The following SH3D19 variants were observed in gnomAD, a reference collection of about 807,000 sequenced individuals.
SH3D19 encodes SH3 domain containing 19.
In SH3D19, 58 loss-of-function variants were observed where a neutral mutation model predicts 112.1. That is an observed-to-expected ratio of 0.52 (90% CI 0.42 to 0.64). The LOEUF (loss-of-function observed/expected upper bound fraction) is 0.64, where lower values mean the gene tolerates loss of function less well. Among genes scored for constraint, SH3D19 ranks in the 30% least tolerant of loss-of-function variants. The pLI is 0.00. For synonymous variants in SH3D19, 391 were observed against 448.5 expected, an observed-to-expected ratio of 0.87 and a Z score of 1.62; for missense variants, 1,090 against 1,263.4, an observed-to-expected ratio of 0.86 and a Z score of 2.08.
intron 1 of SH3D19, among the ~76,000 whole-genome samples, chr4:151,233,595 G>A (rs1026541190): frequency 6.6e-6 from 1 of 152,076 alleles, no homozygotes; most frequent in African/African-American, 2.4e-5. Flanking sequence ...GATGACACTG[G>A]GTACACCAGG....
At chr4:151,187,719 G>A (rs1275875353) in intron 2 of SH3D19, among the ~76,000 whole-genome samples, 1 of 152,142 alleles carries the variant, frequency 6.6e-6, no homozygotes, top group Non-Finnish European at 1.5e-5. Flanking sequence ...CTTACATACT[G>A]TATCTTCCAG....
intron 2 of SH3D19, among the ~76,000 whole-genome samples, 173 bp downstream of exon 2, chr4:151,225,874 T>C (rs1054299438): frequency 5.9e-5 from 9 of 152,216 alleles, no homozygotes; most frequent in African/African-American, 1.9e-4. Flanking sequence ...TCAATAGTTT[T>C]ATGTGAAATT....
chr4:151,143,403 C>A (rs1175319186), intron 12 of SH3D19, among the ~76,000 whole-genome samples: 1 of 152,010 alleles, frequency 6.6e-6, no homozygotes, highest in Admixed American at 6.6e-5. Context: ...GGAGAACTTG[C>A]CCCGTGGGAG....
Position 151,253,497 on chromosome 4 carries a change from T to TC in SH3D19, c.113-27412dup, listed in dbSNP as rs530172928. On this transcript the variant is annotated intron_variant, in intron 1 of 19. Coordinates refer to ENST00000604030, the MANE Select transcript of SH3D19 (RefSeq NM_001378122.1). ...GGCTCACGCCTGTAATCCCAGCACT[T>TC]CGGGAGGCCTAGGCGGGCGGATCAC... 2.0e-5 allele frequency among the ~76,000 whole-genome samples: 3 copies of TC among 152,316 alleles called. No individual in the cohort carries two copies. In the South Asian group the frequency reaches 6.2e-4, roughly 32 times the overall value.
chr4:151,157,438 A>C (rs977284791), intron 9 of SH3D19, among the ~76,000 whole-genome samples: 1 of 151,526 alleles, frequency 6.6e-6, no homozygotes, highest in Non-Finnish European at 1.5e-5. Flanking sequence ...AAAAAAAAAA[A>C]ACAAATGCTG....
At chr4:151,168,156 C>T (rs1758425848) in intron 7 of SH3D19, among the ~76,000 whole-genome samples, 2 of 151,730 alleles carry the variant, frequency 1.3e-5, no homozygotes, top group Admixed American at 1.3e-4. Context: ...AACAGATAAG[C>T]AATTCACGAG....
intron 11 of SH3D19, among the ~76,000 whole-genome samples, chr4:151,147,231 ACTCG>A (rs1754078253): frequency 1.3e-5 from 2 of 152,190 alleles, no homozygotes; most frequent in African/African-American, 4.8e-5. Context: ...GCATCACTGC[ACTCG>A]AGTCTGGGTG....
chr4:151,152,897 A>G (rs112161281), intron 9 of SH3D19, among the ~76,000 whole-genome samples: 9,368 of 151,102 alleles, frequency 0.062, 465 homozygotes, highest in East Asian at 0.19. Context: ...GTGTAGTGGC[A>G]CGATCTTGGC....
intron 2 of SH3D19, among the ~76,000 whole-genome samples, chr4:151,209,854 C>T (rs937902311): frequency 6.6e-6 from 1 of 152,028 alleles, no homozygotes; most frequent in African/African-American, 2.4e-5. Flanking sequence ...GTACAAGACC[C>T]CTTTTGGAAA....
At chr4:151,207,669 C>A (rs927004203) in intron 2 of SH3D19, among the ~76,000 whole-genome samples, 1 of 152,164 alleles carries the variant, frequency 6.6e-6, no homozygotes, top group Non-Finnish European at 1.5e-5. Context: ...GCATATGTAA[C>A]AATAGTGTGC....
intron 8 of SH3D19, among the ~76,000 whole-genome samples, chr4:151,161,575 A>G (rs1428024504): frequency 6.6e-6 from 1 of 151,260 alleles, no homozygotes; most frequent in African/African-American, 2.4e-5. Flanking sequence ...ATTACCTGCC[A>G]TTTAAAGCAG....
At chr4:151,221,423 G>A (rs1219518753) in intron 2 of SH3D19, among the ~76,000 whole-genome samples, 1 of 152,216 alleles carries the variant, frequency 6.6e-6, no homozygotes, top group Non-Finnish European at 1.5e-5. Context: ...CTCAGCTGAG[G>A]ATGGCAGGAG....
chr4:151,234,892 T>C (rs1021359302), intron 1 of SH3D19, among the ~76,000 whole-genome samples: 2 of 151,772 alleles, frequency 1.3e-5, no homozygotes, highest in African/African-American at 4.8e-5. Flanking sequence ...TACAGGTATG[T>C]GCCATCACAC....
chr4:151,133,063 T>G lies in SH3D19; in HGVS notation c.2660A>C (p.Asp887Ala), dbSNP rs1751065678. 3 of 1,613,906 alleles carry G rather than the reference T, an allele frequency of 1.9e-6. No homozygotes were observed. The African/African-American group carries it at 4.0e-5, about 22-fold the overall frequency. ...FPLNFVEPVE[D>A]YPTSGANVLS... is the part of the protein sequence containing the mutation. ...AACATTTGCACCAGAGGTGGGATAA[T>G]CCTCAACAGGCTCCACAAAGTTCAG... Residue 887 changes from aspartate to alanine, a missense_variant, in exon 16 of 20, where the codon GAT becomes GCT. Asp to Ala is a moderately radical substitution (Grantham distance 126). Coordinates refer to ENST00000604030, the MANE Select transcript of SH3D19 (RefSeq NM_001378122.1).
intron 2 of SH3D19, among the ~76,000 whole-genome samples, chr4:151,213,333 C>T (rs1425148668): frequency 6.6e-6 from 1 of 152,170 alleles, no homozygotes; most frequent in Non-Finnish European, 1.5e-5. Context: ...ATGTGGCAAA[C>T]TTCATGGCTG....
At chr4:151,198,282 G>C (rs1234013646) in intron 2 of SH3D19, among the ~76,000 whole-genome samples, 1 of 145,158 alleles carries the variant, frequency 6.9e-6, no homozygotes, top group South Asian at 2.2e-4. Context: ...TCCAGCATGG[G>C]TGACACAGCG....
At chr4:151,291,237 C>T in intron 1 of SH3D19, 1 of 1,613,870 alleles carries the variant, frequency 6.2e-7, no homozygotes, top group Non-Finnish European at 8.5e-7. Flanking sequence ...ATGTAATCTA[C>T]TACCAAAAAT....
At chr4:151,253,539 G>A (rs1287650812) in intron 1 of SH3D19, among the ~76,000 whole-genome samples, 1 of 152,178 alleles carries the variant, frequency 6.6e-6, no homozygotes, top group Non-Finnish European at 1.5e-5. Context: ...AGGAGATTGA[G>A]ACCACCCTGG....
At chr4:151,280,002 A>G in intron 1 of SH3D19, 1 of 1,284,418 alleles carries the variant, frequency 7.8e-7, no homozygotes, top group East Asian at 3.4e-5. Flanking sequence ...GTTCTCAGTG[A>G]ATATTTGCAT....
Sources: gnomAD v4.1 joint callset for allele counts (sites outside exome capture counted in the v4.1 genomes callset) on GRCh38, gnomAD v4.1.1 for gene constraint, MANE v1.5 for transcripts, NCBI Gene and HGNC (gene_info 2026-07-23, HGNC 2026-07-21) for gene names.